CCDC102B: variants seen among roughly 807,000 people sequenced by gnomAD.
CCDC102B encodes coiled-coil domain containing 102B, also known as coiled-coil domain-containing protein 102B.
Under a neutral mutation model 57.4 loss-of-function variants are expected in CCDC102B, and 75 were observed. That is an observed-to-expected ratio of 1.31 (90% CI 1.08 to 1.58). The LOEUF (loss-of-function observed/expected upper bound fraction) is 1.58. Ranked by LOEUF, CCDC102B falls within the 40% of genes most tolerant of loss-of-function variation. The pLI is 0.00. For missense variants in CCDC102B, 636 were observed against 582.6 expected (o/e 1.09, Z -0.94); for synonymous variants, 206 against 201.9 (o/e 1.02, Z -0.17).
In CCDC102B at chr18:68,887,499, G is replaced by C. The variant is rs866822072; in HGVS notation, c.1054-9720G>C. 3.3e-5 allele frequency among the ~76,000 whole-genome samples: 5 copies of C among 152,324 alleles called. No individual in the cohort carries two copies. The South Asian group carries it at 1.0e-3, about 32-fold the overall frequency. ...CAGTAAAAAGGTCAGGTGAGCTGAA[G>C]AGTCTTATGTAATCGATCCATAGGC... On this transcript the variant is annotated intron_variant, in intron 5 of 7. Transcript: ENST00000360242.
chr18:68,733,202 C>G (rs191779403), intron 2 of CCDC102B, among the ~76,000 whole-genome samples: 2 of 151,974 alleles, frequency 1.3e-5, no homozygotes, highest in African/African-American at 2.4e-5. Context: ...AGGACTGATG[C>G]CTTTCACACA....
intron 1 of CCDC102B, among the ~76,000 whole-genome samples, chr18:68,835,564 A>G (rs989501061): frequency 2.6e-5 from 4 of 152,350 alleles, no homozygotes; most frequent in African/African-American, 9.6e-5. Context: ...CCACAGTAAG[A>G]AATTAATTCA....
intron 6 of CCDC102B, among the ~76,000 whole-genome samples, chr18:68,911,652 T>A (rs968311845): frequency 7.1e-6 from 1 of 140,090 alleles, no homozygotes; most frequent in Non-Finnish European, 1.5e-5. Flanking sequence ...CTCGAGAGGC[T>A]GAGGCAGGAG....
chr18:68,983,844 T>C (rs1215438261), intron 6 of CCDC102B, among the ~76,000 whole-genome samples: 1 of 152,036 alleles, frequency 6.6e-6, no homozygotes, highest in Non-Finnish European at 1.5e-5. Flanking sequence ...GCTGGTCTCA[T>C]GCAATTGACT....
intron 7 of CCDC102B, among the ~76,000 whole-genome samples, chr18:69,019,302 A>G (rs542531705): frequency 6.6e-6 from 1 of 152,190 alleles, no homozygotes; most frequent in South Asian, 2.1e-4. Context: ...TTTGGGCAGT[A>G]TGGATATTTA....
chr18:69,021,613 G>A (rs1297544340), intron 7 of CCDC102B, among the ~76,000 whole-genome samples: 2 of 152,190 alleles, frequency 1.3e-5, no homozygotes, highest in African/African-American at 4.8e-5. Flanking sequence ...CAAATGTCAA[G>A]ATGGCGGTAT....
rs373398132 is a variant in CCDC102B at position 69,034,481 on chromosome 18, A to G, written c.1435-19549A>G. 1.4e-4 allele frequency among the ~76,000 whole-genome samples: 22 copies of G among 152,040 alleles called. No homozygotes were observed. The East Asian group carries it at 4.1e-3, about 28-fold the overall frequency. ...AAAAGATTATGATTTCCTAATTGAAATGTTTTGGCACTCATGTCAAAAAGC... is the reference window on the plus strand; with the variant it reads ...AAAAGATTATGATTTCCTAATTGAAGTGTTTTGGCACTCATGTCAAAAAGC... On this transcript the variant is annotated intron_variant, in intron 7 of 7. Transcript: ENST00000360242.
intron 2 of CCDC102B, among the ~76,000 whole-genome samples, chr18:68,765,375 AAG>A (rs1568239039): frequency 1.4e-5 from 2 of 143,916 alleles, no homozygotes; most frequent in Non-Finnish European, 1.5e-5. Flanking sequence ...GAAAGAAAGA[AAG>A]AAAAGAAAGA....
chr18:69,026,125 G>A, intron 7 of CCDC102B, among the ~76,000 whole-genome samples: 1 of 152,086 alleles, frequency 6.6e-6, no homozygotes, highest in East Asian at 1.9e-4. Flanking sequence ...ATTCAGCCAG[G>A]GGCTTGGGTG....
At chr18:69,007,744 A>T (rs989537612) in intron 6 of CCDC102B, among the ~76,000 whole-genome samples, 2 of 152,238 alleles carry the variant, frequency 1.3e-5, no homozygotes, top group African/African-American at 4.8e-5. Flanking sequence ...TAGGCCTGAG[A>T]ATAAGTTGAT....
At chr18:68,796,378 G>A (rs1031734836), upstream of CCDC102B, among the ~76,000 whole-genome samples, 2 of 152,128 alleles carry the variant, frequency 1.3e-5, no homozygotes, top group African/African-American at 4.8e-5. Context: ...AACACAGCAG[G>A]TCCATGGAGA....
intron 1 of CCDC102B, among the ~76,000 whole-genome samples, chr18:68,815,324 A>T (rs2036430355): frequency 6.6e-6 from 1 of 152,176 alleles, no homozygotes; most frequent in African/African-American, 2.4e-5. Context: ...GAATAACATC[A>T]CTTGTTATGG....
At chr18:68,736,946 G>A (rs930653607) in intron 2 of CCDC102B, among the ~76,000 whole-genome samples, 4 of 151,842 alleles carry the variant, frequency 2.6e-5, no homozygotes, top group African/African-American at 4.8e-5. Context: ...TCAGGTGCTC[G>A]ACAGGTGTGT....
chr18:69,037,813 C>T (rs1248532522), intron 7 of CCDC102B, among the ~76,000 whole-genome samples: 1 of 151,844 alleles, frequency 6.6e-6, no homozygotes, highest in Non-Finnish European at 1.5e-5. Flanking sequence ...AATCTGAGTA[C>T]GGAGTCTAAT....
At chr18:68,845,366 GTAAC>G (rs1378389463) in intron 3 of CCDC102B, among the ~76,000 whole-genome samples, 3 of 151,758 alleles carry the variant, frequency 2.0e-5, no homozygotes, top group African/African-American at 7.2e-5. Context: ...CAGTAAGTAT[GTAAC>G]TAACAATCAC....
rs182867116 is a variant in CCDC102B, at chr18:68,769,879, C to T, written c.-67+53285C>T. On this transcript the variant is annotated intron_variant, in intron 2 of 3. Coordinates refer to the CCDC102B transcript ENST00000578970. ...TTTTCTCCTGAAACAAATGAGAAAG[C>T]ACTGAAGGATTTTAAGCTGTAGAAC... Among the ~76,000 whole-genome samples the T allele has an allele frequency of 2.8e-3, 431 of 152,198 alleles. 1 individual carries two copies. The highest frequency in any genetic ancestry group is 9.9e-3 in the African/African-American group (413 of 41,522).
At chr18:68,797,400 C>T (rs994046268), upstream of CCDC102B, among the ~76,000 whole-genome samples, 1 of 151,972 alleles carries the variant, frequency 6.6e-6, no homozygotes, top group African/African-American at 2.4e-5. Flanking sequence ...CAGAGAAGCT[C>T]TTTTTTATGT....
intron 6 of CCDC102B, among the ~76,000 whole-genome samples, chr18:68,959,718 G>T (rs912180627): frequency 2.0e-5 from 3 of 151,912 alleles, no homozygotes; most frequent in Admixed American, 6.6e-5. Context: ...CAAAGTCTCT[G>T]CCACTCTTTG....
At chr18:68,900,760 C>A (rs2040420725) in intron 6 of CCDC102B, among the ~76,000 whole-genome samples, 1 of 152,010 alleles carries the variant, frequency 6.6e-6, no homozygotes. Flanking sequence ...TTTATAGGAA[C>A]ATTAAAAGAA....
Sources: allele counts gnomAD v4.1 joint callset (sites outside exome capture counted in the v4.1 genomes callset), GRCh38; gene constraint gnomAD v4.1.1; transcripts MANE v1.5; gene names NCBI Gene and HGNC (gene_info 2026-07-23, HGNC 2026-07-21).